CNBD1: variants seen among roughly 807,000 people sequenced by gnomAD.
CNBD1 encodes the protein cyclic nucleotide-binding domain-containing protein 1.
CNBD1 carries 71 observed loss-of-function variants against 54.4 expected under a neutral mutation model. That is an observed-to-expected ratio of 1.30 (90% confidence interval 1.08 to 1.59). The LOEUF (loss-of-function observed/expected upper bound fraction) is 1.59, where lower values mean the gene tolerates loss of function less well. Among genes scored for constraint, CNBD1 ranks in the 40% most tolerant of loss-of-function variants. The pLI is 0.00. For missense variants in CNBD1, 659 were observed against 518.0 expected, an observed-to-expected ratio of 1.27 and a Z score of -2.64; for synonymous variants, 182 against 170.7, an observed-to-expected ratio of 1.07 and a Z score of -0.51.
chr8:87,118,857 A>T (rs534781646), intron 4 of CNBD1, among the ~76,000 whole-genome samples: 14 of 152,126 alleles, frequency 9.2e-5, no homozygotes, highest in Non-Finnish European at 1.8e-4. Flanking sequence ...GGCCCTACAT[A>T]TTTTTCTTTA....
intron 6 of CNBD1, among the ~76,000 whole-genome samples, chr8:87,275,971 T>G (rs1808471806): frequency 6.6e-6 from 1 of 151,960 alleles, no homozygotes; most frequent in South Asian, 2.1e-4. Flanking sequence ...CATTCACAAT[T>G]GCTTCAAAGA....
At position 86,905,105 on chromosome 8, in the gene CNBD1, A is replaced by C; in HGVS notation, c.183A>C (p.Ser61=). 1 of 1,609,728 alleles carries C rather than the reference A, an allele frequency of 6.2e-7. No individual in the cohort carries two copies. Among genetic ancestry groups the C allele is most frequent in the South Asian group, 1.1e-5 (1 of 90,632 alleles). ...GCCGGAGTATGAGCAATATCTTATC[A>C]GCTCACGATACATTTATGAAGCAAT... The part of the protein sequence containing the change: ...QHSRSMSNIL[S]AHDTFMKQYP... The change falls in exon 3 of 11, where the codon TCA becomes TCC. Residue 61 remains serine, a synonymous_variant. Coordinates refer to ENST00000518476, the MANE Select transcript of CNBD1 (RefSeq NM_173538.3).
chr8:87,365,270 CT>C (rs1337425787), intron 10 of CNBD1, among the ~76,000 whole-genome samples: 1 of 151,928 alleles, frequency 6.6e-6, no homozygotes, highest in Non-Finnish European at 1.5e-5. Flanking sequence ...TGATATTGTG[CT>C]TTTTTTCATA....
At chr8:87,371,209 G>T (rs1247731980) in intron 10 of CNBD1, among the ~76,000 whole-genome samples, 2 of 151,914 alleles carry the variant, frequency 1.3e-5, no homozygotes, top group Non-Finnish European at 2.9e-5. Context: ...TGGGCAATGG[G>T]GGCTCTTTTT....
intron 6 of CNBD1, among the ~76,000 whole-genome samples, chr8:87,283,392 A>AT (rs1024528217): frequency 1.1e-4 from 16 of 151,256 alleles, no homozygotes; most frequent in African/African-American, 3.2e-4. Flanking sequence ...GTGGCTTGTA[A>AT]TTTTTTTTAT....
At chr8:87,223,488 AGT>A (rs1814395082) in intron 5 of CNBD1, among the ~76,000 whole-genome samples, 3 of 149,436 alleles carry the variant, frequency 2.0e-5, no homozygotes, top group African/African-American at 7.4e-5. Context: ...GAGAATATGC[AGT>A]GTTTGGTTTT....
chr8:86,953,768 G>A (rs1435475032), intron 4 of CNBD1, among the ~76,000 whole-genome samples: 1 of 152,180 alleles, frequency 6.6e-6, no homozygotes, highest in Non-Finnish European at 1.5e-5. Flanking sequence ...TCAGGAGGCT[G>A]AGGCGGAAAA....
intron 4 of CNBD1, among the ~76,000 whole-genome samples, chr8:86,975,598 G>A (rs1376073277): frequency 1.3e-5 from 2 of 151,922 alleles, no homozygotes; most frequent in Non-Finnish European, 1.5e-5. Context: ...TCCATTTCGT[G>A]TATATACCAC....
chr8:87,268,664 T>C (rs1037534822), intron 6 of CNBD1, among the ~76,000 whole-genome samples: 2 of 152,140 alleles, frequency 1.3e-5, no homozygotes, highest in African/African-American at 2.4e-5. Context: ...TGATTTTTAT[T>C]TGCATTTCTC....
At chr8:87,147,254 CAT>C (rs1361390556) in intron 4 of CNBD1, among the ~76,000 whole-genome samples, 2 of 152,040 alleles carry the variant, frequency 1.3e-5, no homozygotes, top group Non-Finnish European at 2.9e-5. Flanking sequence ...ATCTCTCTAT[CAT>C]CTATGTAATA....
chr8:87,231,356 G>A (rs1814686522), intron 5 of CNBD1, among the ~76,000 whole-genome samples: 1 of 152,022 alleles, frequency 6.6e-6, no homozygotes, highest in African/African-American at 2.4e-5. Context: ...GAGAGGGGAG[G>A]GGAAGAAAGA....
At chr8:87,109,893 G>A (rs1005285616) in intron 4 of CNBD1, among the ~76,000 whole-genome samples, 3 of 152,008 alleles carry the variant, frequency 2.0e-5, no homozygotes, top group Non-Finnish European at 4.4e-5. Context: ...AAGATAATTC[G>A]TACTGGAAAT....
At chr8:87,317,293 C>CT (rs148624128) in intron 8 of CNBD1, among the ~76,000 whole-genome samples, 5,349 of 150,326 alleles carry the variant, frequency 0.036, 300 homozygotes, top group African/African-American at 0.12. Context: ...TGATTTGAGA[C>CT]TTTTTTTTTA....
intron 4 of CNBD1, among the ~76,000 whole-genome samples, chr8:87,120,099 G>C (rs1484648950): frequency 6.6e-6 from 1 of 152,038 alleles, no homozygotes. Flanking sequence ...CATAAAATGA[G>C]TTAGGGAAAA....
intron 10 of CNBD1, among the ~76,000 whole-genome samples, chr8:87,373,704 C>A (rs1226835704): frequency 1.3e-5 from 2 of 151,728 alleles, no homozygotes; most frequent in Non-Finnish European, 2.9e-5. Context: ...AAAAGCCTAA[C>A]TGGTTTAGCA....
intron 6 of CNBD1, among the ~76,000 whole-genome samples, chr8:87,275,853 C>T (rs1033158803): frequency 2.6e-5 from 4 of 151,744 alleles, no homozygotes; most frequent in African/African-American, 7.3e-5. Context: ...TCTCCTTAAG[C>T]TGATAAGCAA....
chr8:87,055,320 T>A (rs188166914), intron 4 of CNBD1, among the ~76,000 whole-genome samples: 1 of 152,206 alleles, frequency 6.6e-6, no homozygotes, highest in Non-Finnish European at 1.5e-5. Context: ...ACTTCTCTTA[T>A]CTGAAAAGCT....
At chr8:87,316,217 AT>A (rs1335099803) in intron 8 of CNBD1, among the ~76,000 whole-genome samples, 2 of 152,036 alleles carry the variant, frequency 1.3e-5, no homozygotes, top group African/African-American at 4.8e-5. Flanking sequence ...GTTTTGTCAT[AT>A]ACAAATGACT....
Position 87,046,051 on chromosome 8 carries a change from A to C in CNBD1, c.431+106297A>C, listed in dbSNP as rs1193985412. Among the ~76,000 whole-genome samples the C allele has an allele frequency of 2.3e-3, 343 of 150,966 alleles. 1 individual carries two copies. Among genetic ancestry groups the C allele is most frequent in the African/African-American group, 7.8e-3 (320 of 41,182 alleles). Reference sequence around the variant, plus strand: ...ACAAGACTTCCTCTCATAAAAAAAAAAAAAAAAAAAAAAAAGAGTGCACAG... The same window carrying C: ...ACAAGACTTCCTCTCATAAAAAAAACAAAAAAAAAAAAAAAGAGTGCACAG... On this transcript the variant is annotated intron_variant, in intron 4 of 10. Coordinates refer to ENST00000518476, the MANE Select transcript of CNBD1 (RefSeq NM_173538.3).
Sources: allele counts gnomAD v4.1 joint callset (sites outside exome capture counted in the v4.1 genomes callset), GRCh38; gene constraint gnomAD v4.1.1; transcripts MANE v1.5; gene names NCBI Gene and HGNC (gene_info 2026-07-23, HGNC 2026-07-21).